The following LCORL variants were observed in gnomAD, a reference collection of about 807,000 sequenced individuals.
The protein encoded by LCORL is ligand dependent nuclear receptor corepressor like, also known as ligand-dependent nuclear receptor corepressor-like protein.
In LCORL, 41 loss-of-function variants were observed where a neutral mutation model predicts 141.8. The observed-to-expected ratio is 0.29, with a 90% CI of 0.23 to 0.38. The LOEUF (loss-of-function observed/expected upper bound fraction) is 0.38, where lower values mean the gene tolerates loss of function less well. Ranked by LOEUF, LCORL falls within the 10% of genes least tolerant of loss-of-function variation. LCORL has a pLI of 1.00. For missense variants in LCORL, 1,759 were observed against 2,035.0 expected (o/e 0.86, Z 2.61); for synonymous variants, 618 against 694.1 (o/e 0.89, Z 1.72).
chr4:17,899,615 C>A (rs780086388), intron 5 of LCORL, among the ~76,000 whole-genome samples: 2 of 152,144 alleles, frequency 1.3e-5, no homozygotes, highest in African/African-American at 4.8e-5. Context: ...TAAATACAAA[C>A]TATCAGCTTT....
intron 1 of LCORL, among the ~76,000 whole-genome samples, chr4:18,015,523 C>G (rs1724497800): frequency 6.6e-6 from 1 of 152,108 alleles, no homozygotes; most frequent in Admixed American, 6.6e-5. Flanking sequence ...TCATCAGCAT[C>G]ACAGATTCCA....
chr4:17,868,550 C>T (rs1436425429), intron 7 of LCORL, among the ~76,000 whole-genome samples: 49 of 152,048 alleles, frequency 3.2e-4, no homozygotes, highest in Admixed American at 3.1e-3. Context: ...AAGATACTGA[C>T]ATTAAAAAGG....
chr4:17,966,426 A>C (rs942275205), intron 2 of LCORL, among the ~76,000 whole-genome samples: 2 of 152,164 alleles, frequency 1.3e-5, no homozygotes, highest in East Asian at 3.8e-4. Context: ...CCAATTCCTC[A>C]GAAGACACAA....
intron 3 of LCORL, among the ~76,000 whole-genome samples, chr4:17,962,560 T>G (rs2109605149): frequency 6.6e-6 from 1 of 152,110 alleles, no homozygotes; most frequent in Non-Finnish European, 1.5e-5. Context: ...TCCAAAAGAC[T>G]TCAAGAGTAA....
At chr4:18,003,030 T>A (rs1321583432) in intron 1 of LCORL, among the ~76,000 whole-genome samples, 1 of 152,216 alleles carries the variant, frequency 6.6e-6, no homozygotes, top group Admixed American at 6.5e-5. Context: ...TACATATTTT[T>A]TTAAATCGCA....
chr4:17,876,797 T>C (rs964525327), exon 7 of LCORL: 16 of 1,230,716 alleles, frequency 1.3e-5, no homozygotes, highest in Non-Finnish European at 1.6e-5. Flanking sequence ...GTGGCTTTCT[T>C]ATGCTCATTT....
intron 7 of LCORL, among the ~76,000 whole-genome samples, chr4:17,868,180 T>C (rs1725908466): frequency 6.6e-6 from 1 of 152,140 alleles, no homozygotes; most frequent in African/African-American, 2.4e-5. Context: ...TTTCTGGTAG[T>C]TGAAGGAGTA....
chr4:17,877,849 C>A, exon 7 of LCORL: 1 of 1,230,644 alleles, frequency 8.1e-7, no homozygotes, highest in African/African-American at 1.6e-5. Flanking sequence ...ACTGGCTTAA[C>A]GTGTTCAACA....
intron 7 of LCORL, among the ~76,000 whole-genome samples, chr4:17,846,923 GAAGGA>G (rs1190371170): frequency 1.3e-5 from 2 of 152,174 alleles, no homozygotes; most frequent in African/African-American, 4.8e-5. Context: ...CTCTAGATCA[GAAGGA>G]AAGGATGGTA....
intron 1 of LCORL, among the ~76,000 whole-genome samples, chr4:17,982,189 T>A (rs1450171141): frequency 6.6e-6 from 1 of 151,864 alleles, no homozygotes; most frequent in African/African-American, 2.4e-5. Context: ...GATGGGCATT[T>A]AGGTTGATTC....
chr4:17,951,336 T>C (rs7675806), intron 4 of LCORL, among the ~76,000 whole-genome samples: 37,052 of 152,098 alleles, frequency 0.24, 5,876 homozygotes, highest in African/African-American at 0.45. Context: ...CTCTAACTCC[T>C]CTTCCTGCTT....
chr4:17,983,204 C>T (rs1206711086), intron 1 of LCORL, among the ~76,000 whole-genome samples: 4 of 152,134 alleles, frequency 2.6e-5, no homozygotes, highest in African/African-American at 9.7e-5. Context: ...AATGTGATGC[C>T]TCTAGCTTTG....
intron 7 of LCORL, among the ~76,000 whole-genome samples, chr4:17,863,964 AAGAAG>A (rs906115887): frequency 1.3e-5 from 2 of 152,236 alleles, no homozygotes; most frequent in African/African-American, 4.8e-5. Flanking sequence ...ACATCGACCA[AAGAAG>A]AGAACAACAG....
chr4:17,984,896 C>T (rs1318239438), intron 1 of LCORL, among the ~76,000 whole-genome samples: 1 of 152,030 alleles, frequency 6.6e-6, no homozygotes, highest in African/African-American at 2.4e-5. Context: ...GCATTTAGTG[C>T]TACAAATTTC....
At chr4:17,855,496 T>C (rs1401796345) in intron 7 of LCORL, among the ~76,000 whole-genome samples, 1 of 152,236 alleles carries the variant, frequency 6.6e-6, no homozygotes, top group African/African-American at 2.4e-5. Context: ...AATCCTTTTT[T>C]TGATATACTA....
chr4:17,981,645 C>A (rs970504543), intron 1 of LCORL, among the ~76,000 whole-genome samples: 1 of 151,834 alleles, frequency 6.6e-6, no homozygotes, highest in Admixed American at 6.6e-5. Context: ...GGCTGAAGTG[C>A]GAGGATCACC....
rs759963875 is a variant in LCORL at position 17,972,896 on chromosome 4, A to C, written c.155-11T>G. The C allele has an allele frequency of 3.0e-6, 4 of 1,351,030 alleles. No homozygotes were observed. The highest frequency in any genetic ancestry group is 3.9e-6 in the Non-Finnish European group (4 of 1,026,804). 83.7% of individuals were successfully genotyped at this position (1,351,030 alleles called of 1,614,324 possible). On this transcript the variant is annotated splice_polypyrimidine_tract_variant and intron_variant, in intron 1 of 7. Coordinates refer to ENST00000635767, the Ensembl canonical transcript of LCORL. ...AAATACTCTCAAAACCTGTGTTTTT[A>C]GAGAGAGAAAAGTATATTAACTACT...
chr4:17,905,490 T>G (rs761643745), intron 5 of LCORL, among the ~76,000 whole-genome samples: 6 of 152,146 alleles, frequency 3.9e-5, no homozygotes, highest in Non-Finnish European at 7.4e-5. Context: ...TATTTCTTTC[T>G]TTTGCTATCT....
intron 1 of LCORL, among the ~76,000 whole-genome samples, chr4:17,986,992 A>G (rs1404927891): frequency 2.0e-5 from 3 of 152,130 alleles, no homozygotes; most frequent in Admixed American, 1.3e-4. Flanking sequence ...TTTTTCTTAC[A>G]TAAGAAAAAT....
Sources: allele counts gnomAD v4.1 joint callset (sites outside exome capture counted in the v4.1 genomes callset), GRCh38; gene constraint gnomAD v4.1.1; transcripts MANE v1.5; gene names NCBI Gene and HGNC (gene_info 2026-07-23, HGNC 2026-07-21).